RASA1: variants seen among roughly 807,000 people sequenced by gnomAD.
RASA1 encodes ras GTPase-activating protein 1.
RASA1 carries 25 observed loss-of-function variants against 132.2 expected under a neutral mutation model. That is an observed-to-expected ratio of 0.19 (90% CI 0.14 to 0.26). The LOEUF (loss-of-function observed/expected upper bound fraction) is 0.26. Ranked by LOEUF, RASA1 falls within the 10% of genes least tolerant of loss-of-function variation. RASA1 has a pLI of 1.00. For synonymous variants in RASA1, 477 were observed against 449.9 expected (o/e 1.06, Z -0.76); for missense variants, 964 against 1,299.2 (o/e 0.74, Z 3.97).
In RASA1 at chr5:87,390,860, A is replaced by G; in HGVS notation, c.3121A>G (p.Thr1041Ala). The G allele has an allele frequency of 6.2e-7, 1 of 1,613,150 alleles. No individual in the cohort carries two copies. The highest frequency in any genetic ancestry group is 8.5e-7 in the Non-Finnish European group (1 of 1,179,090). The change falls in exon 25 of 25, where the codon ACA becomes GCA. Residue 1041 changes from threonine to alanine, a missense_variant. Physicochemically the swap from Thr to Ala is moderately conservative, Grantham distance 58. Around this residue, in one of 6 missense-constraint regions of RASA1, gnomAD observed 107 missense variants for 163.8 expected, o/e 0.65. Coordinates refer to ENST00000274376, the MANE Select transcript of RASA1 (RefSeq NM_002890.3). ...GCTTCAACAAAAACAAAACCAGTAT[A>G]CAAAAACCAATGATGTCAGGTAGCA... Reference protein sequence around the residue: ...ELLQQKQNQYTKTNDVR With the variant: ...ELLQQKQNQYAKTNDVR
intron 13 of RASA1, among the ~76,000 whole-genome samples, chr5:87,372,505 A>G (rs948933222): frequency 3.9e-5 from 6 of 152,214 alleles, no homozygotes; most frequent in Non-Finnish European, 8.8e-5. Flanking sequence ...CTTTCAAAAA[A>G]GTAGAACATT....
rs1014016046 is a variant in RASA1 at position 87,387,037 on chromosome 5, T to A, written c.2925+134T>A. 8.6e-5 allele frequency: 67 copies of A among 776,202 alleles called. 2 individuals are homozygous for A. Among genetic ancestry groups the A allele is most frequent in the Non-Finnish European group, 1.2e-4 (59 of 475,050 alleles). 48.1% of individuals were successfully genotyped at this position (776,202 alleles called of 1,614,324 possible). A position where few individuals can be genotyped will look rare whatever the true frequency, so the allele number is the denominator to read the frequency against. ...GACAAAAAGCCTGCAAATTTTTGTCTGCCTTCCTAAACAAAAAACATATTT... is the reference window on the plus strand; with the variant it reads ...GACAAAAAGCCTGCAAATTTTTGTCAGCCTTCCTAAACAAAAAACATATTT... On this transcript the variant is annotated intron_variant, in intron 23 of 24. Coordinates refer to ENST00000274376, the MANE Select transcript of RASA1 (RefSeq NM_002890.3).
At chr5:87,377,604 C>T (rs1246904890) in intron 17 of RASA1, among the ~76,000 whole-genome samples, 1 of 152,090 alleles carries the variant, frequency 6.6e-6, no homozygotes, top group Non-Finnish European at 1.5e-5. Context: ...TCCCAAAGTG[C>T]CGGGGTTACA....
chr5:87,370,165 T>C (rs1015825212), intron 12 of RASA1, among the ~76,000 whole-genome samples: 2 of 152,196 alleles, frequency 1.3e-5, no homozygotes, highest in African/African-American at 4.8e-5. Context: ...CAACTGAGAA[T>C]GCTCATTTAA....
rs780593009 is a variant in RASA1 at position 87,379,889 on chromosome 5, T to C, written c.2603+39T>C. The stretch of plus-strand genomic sequence containing the variant: ...TTTTCATTTGACAAGAAATTGTGTA[T>C]CTATGTCTTCAGAAATTTCTATTTC... On this transcript the variant is annotated intron_variant, in intron 19 of 24. Coordinates refer to ENST00000274376, the MANE Select transcript of RASA1 (RefSeq NM_002890.3). 3.8e-6 allele frequency: 6 copies of C among 1,585,516 alleles called. No homozygotes were observed. In the South Asian group the frequency reaches 6.7e-5, roughly 18 times the overall value.
rs1284976546 is a variant in RASA1, at chr5:87,267,890, G to A, written c.-562G>A. ...TTCTCTCTCTCCCGTTTCACTCACT[G>A]AGAGCTCCAGGTAGTGAGCAGTTCA... On this transcript the variant is annotated 5_prime_UTR_variant, in exon 1 of 25. Transcript: ENST00000274376. 5.0e-6 allele frequency: 2 copies of A among 396,342 alleles called. No homozygotes were observed. Among genetic ancestry groups the A allele is most frequent in the East Asian group, 3.6e-5 (1 of 27,754 alleles). The allele number at this position is 396,342 out of a possible 1,614,324, so 24.6% of individuals were successfully genotyped here. A position where few individuals can be genotyped will look rare whatever the true frequency, so the allele number is the denominator to read the frequency against.
rs1192632261 is a variant in RASA1, at chr5:87,275,399, G to A, written c.539+6409G>A. 2.0e-5 allele frequency among the ~76,000 whole-genome samples: 3 copies of A among 152,140 alleles called. No homozygotes were observed. In the East Asian group the frequency reaches 5.8e-4, roughly 29 times the overall value. ...ATTTGCCCTTGATTCTAAAATTTGT[G>A]TATGGCTTTATGGTGACTTCTCCAC... On this transcript the variant is annotated intron_variant, in intron 1 of 24. Coordinates refer to ENST00000274376, the MANE Select transcript of RASA1 (RefSeq NM_002890.3).
intron 1 of RASA1, among the ~76,000 whole-genome samples, chr5:87,304,939 CTTTTTTTTTTTT>C (rs756572506): frequency 3.1e-5 from 2 of 64,414 alleles, no homozygotes; most frequent in Middle Eastern, 0.013. Context: ...TCTTTTAGTC[CTTTTTTTTTTTT>C]TTTTTTTTTT....
intron 1 of RASA1, among the ~76,000 whole-genome samples, chr5:87,303,201 A>G (rs926944720): frequency 3.9e-5 from 6 of 152,086 alleles, no homozygotes; most frequent in Non-Finnish European, 1.5e-5. Flanking sequence ...TCTCTTTTTC[A>G]CTAGTGAAAT....
Position 87,391,614 on chromosome 5 carries a change from ATAT to A in RASA1, c.*736_*738del, listed in dbSNP as rs374889193. 8.6e-3 allele frequency: 2,017 copies of A among 234,720 alleles called. 31 individuals are homozygous for A. Among genetic ancestry groups the A allele is most frequent in the African/African-American group, 0.04 (1,832 of 45,426 alleles). 14.5% of individuals were successfully genotyped at this position (234,720 alleles called of 1,614,324 possible). On this transcript the variant is annotated 3_prime_UTR_variant, in exon 25 of 25. Coordinates refer to ENST00000274376, the MANE Select transcript of RASA1 (RefSeq NM_002890.3). ...CAAGTAAATAGTTTGAATTCAGTAA[ATAT>A]TATTGGTTGTTGTATTGATCAATGC...
At chr5:87,286,989 CACACCATATAT>C (rs1561256118) in intron 1 of RASA1, among the ~76,000 whole-genome samples, 6 of 144,610 alleles carry the variant, frequency 4.1e-5, no homozygotes, top group Non-Finnish European at 4.6e-5. Flanking sequence ...ACCATATATA[CACACCATATAT>C]ATACCATATA....
chr5:87,339,390 C>G (rs1310052481), intron 5 of RASA1, among the ~76,000 whole-genome samples: 1 of 152,084 alleles, frequency 6.6e-6, no homozygotes, highest in Non-Finnish European at 1.5e-5. Context: ...GATATTTACT[C>G]CATATAGGCA....
rs200402227 is a variant in RASA1, at chr5:87,335,120, GA to G, written c.899+1784del. Among the ~76,000 whole-genome samples the G allele has an allele frequency of 1.0e-2, 1,519 of 152,282 alleles. 31 individuals carry two copies. Among genetic ancestry groups the G allele is most frequent in the African/African-American group, 0.035 (1,450 of 41,540 alleles). ...CAGTCTTGAACTCTTGACCTCAAGTGATCTGCCCGCCTTGGCCTCCCAAAGT... is the reference window on the plus strand; with the variant it reads ...CAGTCTTGAACTCTTGACCTCAAGTGTCTGCCCGCCTTGGCCTCCCAAAGT... On this transcript the variant is annotated intron_variant, in intron 4 of 24. Coordinates refer to ENST00000274376, the MANE Select transcript of RASA1 (RefSeq NM_002890.3).
chr5:87,375,993 G>C (rs994877911), intron 15 of RASA1, among the ~76,000 whole-genome samples: 1 of 152,032 alleles, frequency 6.6e-6, no homozygotes, highest in African/African-American at 2.4e-5. Context: ...TACACCTCTA[G>C]ATCTCGTCCG....
chr5:87,388,682 A>T (rs1762238853), intron 23 of RASA1, among the ~76,000 whole-genome samples: 1 of 152,204 alleles, frequency 6.6e-6, no homozygotes, highest in Admixed American at 6.5e-5. Flanking sequence ...ACACATTAGC[A>T]AGTATTCTGA....
At chr5:87,287,172 C>G (rs1200857117) in intron 1 of RASA1, among the ~76,000 whole-genome samples, 3 of 143,074 alleles carry the variant, frequency 2.1e-5, no homozygotes, top group Non-Finnish European at 4.5e-5. Flanking sequence ...TATATATACA[C>G]ACCATATATA....
At chr5:87,334,753 A>G (rs1757844346) in intron 4 of RASA1, among the ~76,000 whole-genome samples, 1 of 152,234 alleles carries the variant, frequency 6.6e-6, no homozygotes, top group South Asian at 2.1e-4. Context: ...AAAAATATTT[A>G]TTGAATTTCA....
chr5:87,292,259 T>C (rs966399396), intron 1 of RASA1, among the ~76,000 whole-genome samples: 1 of 152,098 alleles, frequency 6.6e-6, no homozygotes, highest in African/African-American at 2.4e-5. Context: ...GTCATTAGAT[T>C]TTCTTTTTTG....
chr5:87,368,505 CA>C (rs1198558262), intron 11 of RASA1, among the ~76,000 whole-genome samples: 1 of 152,114 alleles, frequency 6.6e-6, no homozygotes, highest in Non-Finnish European at 1.5e-5. Flanking sequence ...AGACATTGTA[CA>C]TGAAAAACTA....
Sources: gnomAD v4.1 joint callset for allele counts (sites outside exome capture counted in the v4.1 genomes callset) on GRCh38, gnomAD v4.1.1 for gene constraint, gnomAD v4.1.1 regional missense constraint, MANE v1.5 for transcripts, NCBI Gene and HGNC (gene_info 2026-07-23, HGNC 2026-07-21) for gene names.